ACACA: variants seen among roughly 807,000 people sequenced by gnomAD.
ACACA encodes the protein acetyl-CoA carboxylase alpha.
A neutral mutation model predicts 296.1 loss-of-function variants in ACACA; 103 were observed. The observed-to-expected ratio is 0.35, with a 90% confidence interval of 0.30 to 0.41. ACACA has a LOEUF of 0.41. Among genes scored for constraint, ACACA ranks in the 10% least tolerant of loss-of-function variants. The pLI, the probability that ACACA is intolerant of heterozygous loss-of-function variation, is 1.00. For synonymous variants in ACACA, 953 were observed against 1,038.6 expected (o/e 0.92, Z 1.58); for missense variants, 1,554 against 2,989.7 (o/e 0.52, Z 11.20).
chr17:37,229,568 G>GGC (rs2079744097), intron 25 of ACACA, among the ~76,000 whole-genome samples: 1 of 151,994 alleles, frequency 6.6e-6, no homozygotes, highest in Non-Finnish European at 1.5e-5. Flanking sequence ...CTCCCAAAGT[G>GGC]CTGGGATTAC....
intron 2 of ACACA, among the ~76,000 whole-genome samples, chr17:37,333,412 AAGGC>A (rs1311823792): frequency 1.3e-5 from 2 of 152,100 alleles, no homozygotes; most frequent in East Asian, 3.9e-4. Context: ...AAAGAGCCGC[AAGGC>A]AGGACCCTCC....
intron 1 of ACACA, among the ~76,000 whole-genome samples, 197 bp from the exon 2 acceptor site, chr17:37,340,047 A>G (rs2048313653): frequency 1.3e-5 from 2 of 152,224 alleles, no homozygotes; most frequent in Admixed American, 1.3e-4. Context: ...CACATTACAT[A>G]AAGACTATTG....
At chr17:37,238,446 T>C (rs1234146331) in intron 24 of ACACA, among the ~76,000 whole-genome samples, 1 of 152,118 alleles carries the variant, frequency 6.6e-6, no homozygotes. Flanking sequence ...CACTGATCTA[T>C]AAATCTATCT....
chr17:37,292,924 C>T (rs778774316), intron 3 of ACACA, among the ~76,000 whole-genome samples: 50 of 152,118 alleles, frequency 3.3e-4, no homozygotes, highest in Non-Finnish European at 5.3e-4. Flanking sequence ...CGGCACTACC[C>T]GTGCAAAACA....
Position 37,289,448 on chromosome 17 carries a change from A to C in ACACA, c.339-4478T>G, listed in dbSNP as rs2082941921. 4.4e-6 allele frequency: 6 copies of C among 1,351,818 alleles called. No homozygotes were observed. In the Admixed American group the frequency reaches 1.1e-4, roughly 26 times the overall value. 83.7% of individuals were successfully genotyped at this position (1,351,818 alleles called of 1,614,324 possible). ...AAATCAGCAACTGTAAGTATGGCAC[A>C]ATCAAACATTTCTTCATCTGTCCTC... On this transcript the variant is annotated intron_variant, in intron 3 of 55. Transcript: ENST00000616317.
chr17:37,262,877 G>C (rs914864304), intron 11 of ACACA, among the ~76,000 whole-genome samples: 2 of 151,978 alleles, frequency 1.3e-5, no homozygotes. Flanking sequence ...GTACAGACGT[G>C]TGCCATGACA....
chr17:37,179,121 G>T, intron 41 of ACACA, 139 bp downstream of exon 41: 1 of 1,052,890 alleles, frequency 9.5e-7, no homozygotes, highest in Non-Finnish European at 1.4e-6. Flanking sequence ...ATAATTTCTT[G>T]ATACTCAGTC....
In ACACA at chr17:37,266,323, A is replaced by T. The variant is rs180780867; in HGVS notation, c.1120-2429T>A. 4.0e-4 allele frequency among the ~76,000 whole-genome samples: 61 copies of T among 152,122 alleles called. 1 individual carries two copies. The highest frequency in any genetic ancestry group is 1.4e-3 in the African/African-American group (59 of 41,492). On this transcript the variant is annotated intron_variant, in intron 10 of 55. Transcript: ENST00000616317. The stretch of plus-strand genomic sequence containing the variant: ...CAACTACTCGGGAGGCTGAGACAGG[A>T]GAATCACTTGAACCTGGGAGGTGGA...
intron 3 of ACACA, among the ~76,000 whole-genome samples, chr17:37,327,560 T>C (rs1160840283): frequency 6.6e-6 from 1 of 152,208 alleles, no homozygotes; most frequent in African/African-American, 2.4e-5. Flanking sequence ...AGACTTTGCA[T>C]AAGAACCATC....
chr17:37,096,936 C>T, intron 54 of ACACA, 60 bp downstream of exon 54: 3 of 1,601,544 alleles, frequency 1.9e-6, no homozygotes, highest in Middle Eastern at 1.7e-4. Flanking sequence ...GCGAGACTTG[C>T]AGCCCTCAGG....
intron 19 of ACACA, 36 bp from the exon 20 acceptor site, chr17:37,245,250 C>G: frequency 6.2e-7 from 1 of 1,609,046 alleles, no homozygotes; most frequent in South Asian, 1.1e-5. Flanking sequence ...AGATTTATCT[C>G]TCTTTACACA....
rs1188381942 is a variant in ACACA, at chr17:37,241,960, C to G, written c.3025G>C (p.Val1009Leu). 1 of 1,613,040 alleles carries G rather than the reference C, an allele frequency of 6.2e-7. No homozygotes were observed. Among genetic ancestry groups the G allele is most frequent in the South Asian group, 1.1e-5 (1 of 91,058 alleles). ...FMNTQSIVQL[V>L]QRYRSGIRGH... is the part of the protein sequence containing the mutation. ...GGAGTTACAAGTTACTACCTCTGTA[C>G]CAGCTGAACAATGCTCTGAGTATTC... The change falls in exon 23 of 56, where the codon GTA (valine) becomes CTA (leucine). Residue 1009 changes from valine (V) to leucine (L), a missense_variant. Coordinates refer to ENST00000616317, the MANE Select transcript of ACACA (RefSeq NM_198834.3).
intron 1 of ACACA, among the ~76,000 whole-genome samples, chr17:37,386,590 TCAA>T (rs10678918): frequency 0.12 from 17,699 of 152,002 alleles, 1,199 homozygotes; most frequent in East Asian, 0.25. Flanking sequence ...AGACTTTGTC[TCAA>T]CAACAACAAC....
intron 43 of ACACA, among the ~76,000 whole-genome samples, chr17:37,153,659 TAA>T (rs1187370453): frequency 6.6e-6 from 1 of 152,222 alleles, no homozygotes; most frequent in Non-Finnish European, 1.5e-5. Flanking sequence ...TTTATGTATA[TAA>T]TTTTTTCAAA....
At chr17:37,127,134 T>C (rs1291466223) in intron 47 of ACACA, among the ~76,000 whole-genome samples, 9 of 152,212 alleles carry the variant, frequency 5.9e-5, no homozygotes, top group African/African-American at 2.2e-4. Context: ...TCTGTGGATT[T>C]CATTAATAAT....
At chr17:37,274,442 C>T in intron 8 of ACACA, 143 bp from the exon 9 acceptor site, 1 of 1,026,462 alleles carries the variant, frequency 9.7e-7, no homozygotes, top group South Asian at 1.4e-5. Context: ...AAACCCTGAT[C>T]AGTCCTTGGG....
intron 1 of ACACA, among the ~76,000 whole-genome samples, chr17:37,363,161 T>TTTTCTC (rs1406647173): frequency 6.8e-6 from 1 of 148,038 alleles, no homozygotes; most frequent in Non-Finnish European, 1.5e-5. Context: ...TGACTTTTTC[T>TTTTCTC]TTTCTCTTTC....
At chr17:37,131,207 G>C (rs1028097661) in intron 45 of ACACA, among the ~76,000 whole-genome samples, 7 of 151,966 alleles carry the variant, frequency 4.6e-5, no homozygotes, top group African/African-American at 1.7e-4. Flanking sequence ...TAAGGTCAAA[G>C]GGCACCTGCA....
At chr17:37,145,008 T>A (rs2075754595) in intron 45 of ACACA, among the ~76,000 whole-genome samples, 1 of 152,196 alleles carries the variant, frequency 6.6e-6, no homozygotes, top group Admixed American at 6.5e-5. Context: ...TCTCCCCAAG[T>A]CTGGGGCAAT....
Sources: allele counts gnomAD v4.1 joint callset (sites outside exome capture counted in the v4.1 genomes callset), GRCh38; gene constraint gnomAD v4.1.1; transcripts MANE v1.5; gene names NCBI Gene and HGNC (gene_info 2026-07-23, HGNC 2026-07-21).